Variants in ANKRD11 observed in about 807,000 individuals in gnomAD.
ANKRD11 encodes the protein ankyrin repeat domain 11, also known as ankyrin repeat domain-containing protein 11.
In ANKRD11, 17 loss-of-function variants were observed where a neutral mutation model predicts 195.7. That is an observed-to-expected ratio of 0.09 (90% CI 0.06 to 0.13). ANKRD11 has a LOEUF of 0.13. ANKRD11 is among the 10% of genes least tolerant of loss of function. The pLI is 1.00. For synonymous variants in ANKRD11, 1,953 were observed against 1,528.1 expected (o/e 1.28, Z -6.49); for missense variants, 3,735 against 3,566.1 (o/e 1.05, Z -1.21).
intron 1 of ANKRD11, among the ~76,000 whole-genome samples, chr16:89,472,714 G>A (rs759003788): frequency 6.6e-6 from 1 of 152,172 alleles, no homozygotes; most frequent in Non-Finnish European, 1.5e-5. Context: ...CCCTAAGTGT[G>A]CCAAGCCTTT....
Position 89,268,662 on chromosome 16 carries a change from G to C in ANKRD11, c.7808C>G (p.Thr2603Ser). ...DVDDKYDRMK[T>S]CLLMRQQHEA... ...GTGCTGCTGCCGCATGAGGAGGCAA[G>C]TCTGCGGGACACACAGCGGGGAGAG... is the stretch of plus-strand genomic sequence containing the variant. Residue 2603 changes from threonine (T) to serine (S), a missense_variant and splice_region_variant, in exon 13 of 13, where the codon ACT (threonine) becomes AGT (serine). By Grantham distance (58) the Thr-to-Ser change is moderately conservative. Transcript: ENST00000301030. 1 of 1,583,602 alleles carries C rather than the reference G, an allele frequency of 6.3e-7. No homozygotes were observed. Among genetic ancestry groups the C allele is most frequent in the Non-Finnish European group, 8.6e-7 (1 of 1,165,376 alleles).
chr16:89,432,823 C>G (rs2043039160), intron 1 of ANKRD11, among the ~76,000 whole-genome samples: 1 of 152,084 alleles, frequency 6.6e-6, no homozygotes, highest in Non-Finnish European at 1.5e-5. Context: ...CGCCTGTGGT[C>G]CCAGCTACTC....
intron 2 of ANKRD11, among the ~76,000 whole-genome samples, chr16:89,337,358 GC>G (rs2038417095): frequency 6.8e-6 from 1 of 147,334 alleles, no homozygotes; most frequent in Non-Finnish European, 1.5e-5. Flanking sequence ...CATTGGATTT[GC>G]CATCAGACAC....
intron 2 of ANKRD11, among the ~76,000 whole-genome samples, chr16:89,327,761 G>T (rs1198614192): frequency 6.6e-6 from 1 of 152,098 alleles, no homozygotes; most frequent in East Asian, 1.9e-4. Context: ...AGGTTCATAT[G>T]GAACAAAACT....
At chr16:89,384,880 T>TTTTTTTTTTTTTTTC (rs2040838022) in intron 2 of ANKRD11, among the ~76,000 whole-genome samples, 1 of 10,510 alleles carries the variant, frequency 9.5e-5, no homozygotes, top group East Asian at 2.9e-3. Context: ...AATAGTTTTC[T>TTTTTTTTTTTTTTTC]TTTTTTTTTT....
chr16:89,311,419 TAGA>T (rs2036601649), intron 3 of ANKRD11, among the ~76,000 whole-genome samples: 2 of 152,184 alleles, frequency 1.3e-5, no homozygotes, highest in African/African-American at 2.4e-5. Flanking sequence ...TCTATCTAGA[TAGA>T]AAACAAGAAC....
chr16:89,459,791 G>A (rs1216286650), intron 1 of ANKRD11, among the ~76,000 whole-genome samples: 1 of 152,070 alleles, frequency 6.6e-6, no homozygotes, highest in Non-Finnish European at 1.5e-5. Flanking sequence ...AAAAGTAGCT[G>A]GGCATGGTGG....
chr16:89,394,092 T>A (rs2041321258), intron 2 of ANKRD11, among the ~76,000 whole-genome samples: 1 of 152,082 alleles, frequency 6.6e-6, no homozygotes, highest in Admixed American at 6.6e-5. Flanking sequence ...TCCTGGAGAC[T>A]CCACCCATCA....
intron 4 of ANKRD11, among the ~76,000 whole-genome samples, chr16:89,294,163 G>C (rs2035260489): frequency 6.6e-6 from 1 of 152,182 alleles, no homozygotes. Context: ...CTGAGCTTTG[G>C]TGAAGAAAGC....
At chr16:89,313,279 G>A (rs1459902152) in intron 3 of ANKRD11, 4 of 1,277,508 alleles carry the variant, frequency 3.1e-6, no homozygotes, top group South Asian at 2.5e-5. Context: ...GGGGACCCAT[G>A]GGGTGGGGAC....
At chr16:89,377,131 G>GT (rs1567719764) in intron 2 of ANKRD11, among the ~76,000 whole-genome samples, 1 of 152,184 alleles carries the variant, frequency 6.6e-6, no homozygotes, top group Non-Finnish European at 1.5e-5. Flanking sequence ...CCAGAACCCC[G>GT]TGAGTTCAAC....
At chr16:89,404,982 A>C (rs2041848138) in intron 2 of ANKRD11, among the ~76,000 whole-genome samples, 1 of 152,222 alleles carries the variant, frequency 6.6e-6, no homozygotes, top group African/African-American at 2.4e-5. Context: ...AATAAAACTG[A>C]AATCAGACTT....
At chr16:89,288,775 G>A (rs2034828406) in intron 6 of ANKRD11, 105 bp from the exon 7 acceptor site, 10 of 1,536,052 alleles carry the variant, frequency 6.5e-6, no homozygotes, top group Non-Finnish European at 8.1e-6. Context: ...GACAAGCCAG[G>A]TGGGGAGCTG....
At chr16:89,355,093 G>A (rs1338473008) in intron 2 of ANKRD11, among the ~76,000 whole-genome samples, 1 of 152,208 alleles carries the variant, frequency 6.6e-6, no homozygotes, top group African/African-American at 2.4e-5. Context: ...TCTAAATGTT[G>A]CTGACATTTC....
intron 2 of ANKRD11, among the ~76,000 whole-genome samples, chr16:89,354,655 G>T (rs2039387391): frequency 6.6e-6 from 1 of 152,230 alleles, no homozygotes; most frequent in Non-Finnish European, 1.5e-5. Flanking sequence ...GCCGAGGCAG[G>T]TGAATCACCT....
chr16:89,313,328 A>G (rs1715684236), intron 3 of ANKRD11: 1 of 1,287,284 alleles, frequency 7.8e-7, no homozygotes, highest in Non-Finnish European at 1.0e-6. Flanking sequence ...TTTGGATCAG[A>G]ACACACTCAA....
In ANKRD11 at chr16:89,285,770, A is replaced by G. The variant is rs113156715; in HGVS notation, c.893-121T>C. 16 of 1,208,524 alleles carry G rather than the reference A, an allele frequency of 1.3e-5. No individual in the cohort carries two copies. In the African/African-American group the frequency reaches 1.5e-4, roughly 11 times the overall value. 74.9% of individuals were successfully genotyped at this position (1,208,524 alleles called of 1,614,324 possible). The stretch of plus-strand genomic sequence containing the variant: ...AGGTTCCCACCCTGCCTCTGCAGAG[A>G]CACTTTGCTCGACTCATGGAAACCA... On this transcript the variant is annotated intron_variant, in intron 8 of 12. Transcript: ENST00000301030. This position sits in a 1 kb window ranked among gnomAD's most constrained non-coding sequence, Gnocchi z 5.6.
At position 89,302,216 on chromosome 16, in the gene ANKRD11, G is replaced by A. The variant is rs557994790; in HGVS notation, c.226+2990C>T. Among the ~76,000 whole-genome samples, 5 of 152,294 alleles carry A rather than the reference G, an allele frequency of 3.3e-5. No homozygotes were observed. The South Asian group carries it at 6.2e-4, about 19-fold the overall frequency. On this transcript the variant is annotated intron_variant, in intron 4 of 12. Transcript: ENST00000301030. The stretch of plus-strand genomic sequence containing the variant: ...GAGCCACAGCGCCCAGCAGCCTCCC[G>A]GCCCAGGGTGGGGCTGAACGCACTG...
At chr16:89,387,097 G>C (rs2040946018) in intron 2 of ANKRD11, among the ~76,000 whole-genome samples, 1 of 152,116 alleles carries the variant, frequency 6.6e-6, no homozygotes, top group Non-Finnish European at 1.5e-5. Flanking sequence ...ACATGGAGGA[G>C]GTGTCTGCCC....
Sources: allele counts gnomAD v4.1 joint callset (sites outside exome capture counted in the v4.1 genomes callset), GRCh38; gene constraint gnomAD v4.1.1; non-coding constraint Gnocchi (gnomAD v3.1); transcripts MANE v1.5; gene names NCBI Gene and HGNC (gene_info 2026-07-23, HGNC 2026-07-21).